REEP1: variants seen among roughly 807,000 people sequenced by gnomAD.
REEP1 encodes the protein receptor expression-enhancing protein 1.
Under a neutral mutation model 40.3 loss-of-function variants are expected in REEP1, and 22 were observed. The ratio of observed to expected loss-of-function variants is 0.55; its 90% CI spans 0.39 to 0.78. The LOEUF (loss-of-function observed/expected upper bound fraction) is 0.78, where lower values mean the gene tolerates loss of function less well. Among genes scored for constraint, REEP1 ranks in the 30% least tolerant of loss-of-function variants. REEP1 has a pLI of 0.00. For synonymous variants in REEP1, 116 were observed against 139.2 expected, an observed-to-expected ratio of 0.83 and a Z score of 1.17; for missense variants, 280 against 361.1, an observed-to-expected ratio of 0.78 and a Z score of 1.82.
chr2:86,253,178 G>A (rs1231803244), intron 4 of REEP1, among the ~76,000 whole-genome samples: 1 of 152,168 alleles, frequency 6.6e-6, no homozygotes, highest in African/African-American at 2.4e-5. Context: ...CTACCTGGGA[G>A]GCTGAGGCAG....
At chr2:86,235,940 G>A (rs12714178) in intron 5 of REEP1, among the ~76,000 whole-genome samples, 54,691 of 152,100 alleles carry the variant, frequency 0.36, 12,254 homozygotes, top group Non-Finnish European at 0.5. Context: ...TGCCTGACCG[G>A]GCGCGGTGGT....
At chr2:86,260,518 T>C (rs1348539886) in intron 3 of REEP1, among the ~76,000 whole-genome samples, 1 of 152,058 alleles carries the variant, frequency 6.6e-6, no homozygotes, top group African/African-American at 2.4e-5. Flanking sequence ...GACAGGGAGA[T>C]TATATGGGAT....
Position 86,263,950 on chromosome 2 carries a change from T to C in REEP1, c.182+15A>G. The C allele has an allele frequency of 6.2e-7, 1 of 1,601,858 alleles. No homozygotes were observed. The highest frequency in any genetic ancestry group is 8.6e-7 in the Non-Finnish European group (1 of 1,168,802). On this transcript the variant is annotated intron_variant, in intron 3 of 8. Coordinates refer to ENST00000538924, the MANE Select transcript of REEP1 (RefSeq NM_001371279.1). ...AAATTGTCCTTAGAAACATCCCAACTCCTGGAGTACTTACCAACAAAGGAA... is the reference window on the plus strand; with the variant it reads ...AAATTGTCCTTAGAAACATCCCAACCCCTGGAGTACTTACCAACAAAGGAA...
chr2:86,316,821 C>T (rs1355082558), intron 1 of REEP1, among the ~76,000 whole-genome samples: 5 of 151,632 alleles, frequency 3.3e-5, no homozygotes, highest in African/African-American at 4.8e-5. Context: ...ATCGTGCCAT[C>T]GCACTCCAGC....
chr2:86,231,065 T>C (rs532291298), intron 6 of REEP1, among the ~76,000 whole-genome samples: 10 of 152,338 alleles, frequency 6.6e-5, no homozygotes, highest in Middle Eastern at 3.4e-3. Flanking sequence ...TGAGTGACCA[T>C]GGGCACTGGC....
chr2:86,309,101 C>T (rs1679636005), intron 1 of REEP1, among the ~76,000 whole-genome samples: 1 of 152,214 alleles, frequency 6.6e-6, no homozygotes, highest in Admixed American at 6.5e-5. Flanking sequence ...ACTCTGTCAC[C>T]TTTGGCCTAG....
chr2:86,214,959 A>G lies in REEP1; in HGVS notation c.*2080T>C, dbSNP rs993605064. ...TAGGTTGTTCACGATAGGATTTTAAACTGCTGCTAAAGGCAATTTATTGTT... is the reference window on the plus strand; with the variant it reads ...TAGGTTGTTCACGATAGGATTTTAAGCTGCTGCTAAAGGCAATTTATTGTT... On this transcript the variant is annotated 3_prime_UTR_variant, in exon 9 of 9. Coordinates refer to ENST00000538924, the MANE Select transcript of REEP1 (RefSeq NM_001371279.1). The G allele has an allele frequency of 8.6e-5, 13 of 150,744 alleles. No homozygotes were observed. Among genetic ancestry groups the G allele is most frequent in the African/African-American group, 3.2e-4 (13 of 40,998 alleles). The allele number at this position is 150,744 out of a possible 1,614,324, so 9.3% of individuals were successfully genotyped here.
chr2:86,300,570 A>T (rs1255996525), intron 1 of REEP1, among the ~76,000 whole-genome samples: 1 of 152,130 alleles, frequency 6.6e-6, no homozygotes, highest in Admixed American at 6.5e-5. Context: ...CCAGACACAC[A>T]GAGAGAGTCG....
chr2:86,253,125 T>C (rs1430104237), intron 4 of REEP1, among the ~76,000 whole-genome samples: 1 of 152,022 alleles, frequency 6.6e-6, no homozygotes, highest in Non-Finnish European at 1.5e-5. Flanking sequence ...CCTCTAAAAA[T>C]ACAAAATGAG....
chr2:86,278,793 G>A (rs1405590767), intron 2 of REEP1, among the ~76,000 whole-genome samples: 1 of 152,274 alleles, frequency 6.6e-6, no homozygotes, highest in East Asian at 1.9e-4. Context: ...GGTGTGAGCT[G>A]GGCCGTCAGC....
chr2:86,250,360 G>A (rs1044386082), intron 5 of REEP1, among the ~76,000 whole-genome samples: 15 of 152,220 alleles, frequency 9.9e-5, no homozygotes, highest in Admixed American at 9.8e-4. Flanking sequence ...GAGAGGCTGA[G>A]ACAGGGTTTC....
intron 1 of REEP1, among the ~76,000 whole-genome samples, chr2:86,317,165 C>T (rs776482864): frequency 1.3e-5 from 2 of 152,140 alleles, no homozygotes; most frequent in East Asian, 1.9e-4. Context: ...ACAGCCGACC[C>T]GGACTCTTCA....
Position 86,280,013 on chromosome 2 carries a change from C to T in REEP1, c.105+2157G>A, listed in dbSNP as rs893843419. 32 of 456,214 alleles carry T rather than the reference C, an allele frequency of 7.0e-5. No homozygotes were observed. In the Middle Eastern group the frequency reaches 1.6e-3, roughly 23 times the overall value. 28.3% of individuals were successfully genotyped at this position (456,214 alleles called of 1,614,324 possible). ...TTCTGAGAGTGGCAGCAGAGAAGGACGACAGACCTGGTTTGGAAGATTATT... is the reference window on the plus strand; with the variant it reads ...TTCTGAGAGTGGCAGCAGAGAAGGATGACAGACCTGGTTTGGAAGATTATT... On this transcript the variant is annotated intron_variant, in intron 2 of 8. Transcript: ENST00000538924.
chr2:86,226,468 C>CTTT (rs745419771), intron 7 of REEP1, among the ~76,000 whole-genome samples: 7 of 24,858 alleles, frequency 2.8e-4, no homozygotes, highest in South Asian at 1.8e-3. Context: ...TTTTTCTTTT[C>CTTT]TTTTTTTTTT....
In REEP1 at chr2:86,316,267, G is replaced by A. The variant is rs190306924; in HGVS notation, c.32+21212C>T. On this transcript the variant is annotated intron_variant, in intron 1 of 8. Coordinates refer to ENST00000538924, the MANE Select transcript of REEP1 (RefSeq NM_001371279.1). ...AAAATAATCTAAAGGGGCCAGGTGC[G>A]GTGGTTCACGCCTGTAATCCTAGCA... Among the ~76,000 whole-genome samples the A allele has an allele frequency of 2.0e-4, 31 of 152,216 alleles. No homozygotes were observed. The East Asian group carries it at 4.1e-3, about 20-fold the overall frequency.
chr2:86,269,649 T>C (rs931067487), intron 2 of REEP1, among the ~76,000 whole-genome samples: 1 of 152,126 alleles, frequency 6.6e-6, no homozygotes, highest in African/African-American at 2.4e-5. Context: ...GAATGGCCCC[T>C]TCCTCCCAGC....
intron 1 of REEP1, among the ~76,000 whole-genome samples, chr2:86,286,107 C>T (rs1678382119): frequency 6.6e-6 from 1 of 152,126 alleles, no homozygotes; most frequent in Non-Finnish European, 1.5e-5. Context: ...TGCAGCATTT[C>T]CCTTATCTTT....
intron 5 of REEP1, among the ~76,000 whole-genome samples, chr2:86,247,665 G>A (rs767396722): frequency 5.3e-5 from 8 of 151,986 alleles, no homozygotes; most frequent in Non-Finnish European, 8.8e-5. Context: ...CCACCTCCCG[G>A]GTTCAAGTGA....
intron 5 of REEP1, among the ~76,000 whole-genome samples, chr2:86,236,775 C>T (rs996132913): frequency 3.3e-5 from 5 of 150,638 alleles, no homozygotes; most frequent in Middle Eastern, 3.4e-3. Flanking sequence ...CTCACTCTGT[C>T]GCCCAGGCTG....
Sources: allele counts gnomAD v4.1 joint callset (sites outside exome capture counted in the v4.1 genomes callset), GRCh38; gene constraint gnomAD v4.1.1; transcripts MANE v1.5; gene names NCBI Gene and HGNC (gene_info 2026-07-23, HGNC 2026-07-21).